The following LCMT1 variants were observed in gnomAD, a reference collection of about 807,000 sequenced individuals.
The protein encoded by LCMT1 is leucine carboxyl methyltransferase 1, also known as [Phosphatase 2A protein]-leucine-carboxy methyltransferase 1.
LCMT1 carries 32 observed loss-of-function variants against 47.7 expected under a neutral mutation model. The ratio of observed to expected loss-of-function variants is 0.67; its 90% CI spans 0.51 to 0.90. The LOEUF is 0.90. Among genes scored for constraint, LCMT1 ranks in the 40% least tolerant of loss-of-function variants. The pLI, the probability that LCMT1 is intolerant of heterozygous loss-of-function variation, is 0.00. For missense variants in LCMT1, 375 were observed against 415.2 expected (o/e 0.90, Z 0.84); for synonymous variants, 152 against 149.7 (o/e 1.02, Z -0.11).
In LCMT1 at chr16:25,157,875, A is replaced by G. The variant is rs1256707531; in HGVS notation, c.467-3227A>G. Among the ~76,000 whole-genome samples, 3 of 152,282 alleles carry G rather than the reference A, an allele frequency of 2.0e-5. No homozygotes were observed. In the East Asian group the frequency reaches 5.8e-4, roughly 29 times the overall value. The stretch of plus-strand genomic sequence containing the variant: ...TGCTTCCCAGTAATTTGTCTCAGTA[A>G]TGTTTTCATAGTACCCCTGAGCCAA... On this transcript the variant is annotated intron_variant, in intron 5 of 10. Coordinates refer to ENST00000399069, the MANE Select transcript of LCMT1 (RefSeq NM_016309.3).
chr16:25,160,880 A>C (rs540135109), intron 5 of LCMT1: 111 of 635,666 alleles, frequency 1.7e-4, no homozygotes, highest in African/African-American at 1.7e-3. Flanking sequence ...TGTTGTGTAT[A>C]ATAACTTAAG....
intron 1 of LCMT1, 51 bp downstream of exon 1, chr16:25,112,047 G>A (rs1228540378): frequency 1.7e-6 from 2 of 1,207,344 alleles, no homozygotes; most frequent in Non-Finnish European, 2.4e-6. Context: ...GCGGGCCTAG[G>A]TGGGAGGTGG....
chr16:25,128,678 C>A, intron 2 of LCMT1, 112 bp downstream of exon 2: 1 of 747,324 alleles, frequency 1.3e-6, no homozygotes, highest in Non-Finnish European at 2.2e-6. Context: ...CGCAAAAGTG[C>A]TTATTTCCCC....
intron 2 of LCMT1, chr16:25,132,154 A>G: frequency 1.9e-6 from 1 of 531,536 alleles, no homozygotes; most frequent in South Asian, 1.9e-5. Flanking sequence ...ATAAAACTAT[A>G]GCTCATTTTT....
intron 2 of LCMT1, among the ~76,000 whole-genome samples, chr16:25,131,353 A>C (rs913485751): frequency 2.6e-5 from 4 of 152,196 alleles, no homozygotes; most frequent in African/African-American, 9.6e-5. Flanking sequence ...CTGTATTTGA[A>C]CCTTTAGAAT....
chr16:25,126,607 G>T (rs938532529), intron 1 of LCMT1, among the ~76,000 whole-genome samples: 1 of 152,138 alleles, frequency 6.6e-6, no homozygotes, highest in African/African-American at 2.4e-5. Flanking sequence ...CTAGCACTTG[G>T]CAGACACCCA....
intron 1 of LCMT1, among the ~76,000 whole-genome samples, chr16:25,122,598 G>A (rs915019222): frequency 6.6e-6 from 1 of 151,858 alleles, no homozygotes; most frequent in Non-Finnish European, 1.5e-5. Flanking sequence ...CAAAGTGTTG[G>A]GATTACAGGT....
intron 4 of LCMT1, chr16:25,145,008 C>G (rs1386183994): frequency 1.3e-5 from 2 of 152,326 alleles, no homozygotes; most frequent in Non-Finnish European, 2.9e-5. Flanking sequence ...TTTCTTCCCC[C>G]TTTTGGGTCT....
At chr16:25,172,247 C>T (rs1961797165) in intron 9 of LCMT1, among the ~76,000 whole-genome samples, 1 of 150,594 alleles carries the variant, frequency 6.6e-6, no homozygotes, top group Non-Finnish European at 1.5e-5. Flanking sequence ...GCGGAGGTTG[C>T]AGTGAGCCGA....
intron 4 of LCMT1, among the ~76,000 whole-genome samples, chr16:25,149,932 A>T (rs1469411245): frequency 6.6e-6 from 1 of 151,578 alleles, no homozygotes; most frequent in Non-Finnish European, 1.5e-5. Context: ...AAAAAAAAAA[A>T]AGTAGGTTAC....
At chr16:25,160,788 A>G (rs1336365539) in intron 5 of LCMT1, 1 of 555,000 alleles carries the variant, frequency 1.8e-6, no homozygotes, top group Non-Finnish European at 3.5e-6. Flanking sequence ...CAAACCACAT[A>G]TTGGGTGGTC....
At chr16:25,138,036 A>G (rs771052766) in intron 3 of LCMT1, among the ~76,000 whole-genome samples, 2 of 152,168 alleles carry the variant, frequency 1.3e-5, no homozygotes, top group Non-Finnish European at 2.9e-5. Flanking sequence ...TGCTCCAGTC[A>G]GAAACAAGGT....
chr16:25,168,965 T>C, intron 7 of LCMT1, 147 bp from the exon 8 acceptor site: 3 of 623,148 alleles, frequency 4.8e-6, no homozygotes, highest in Non-Finnish European at 8.7e-6. Context: ...AGCACCGTGC[T>C]GGTGCCCGCC....
At chr16:25,116,371 A>G (rs1385925401) in intron 1 of LCMT1, among the ~76,000 whole-genome samples, 2 of 152,128 alleles carry the variant, frequency 1.3e-5, no homozygotes, top group Admixed American at 1.3e-4. Flanking sequence ...TGGCACAGTG[A>G]CCTTGCTTTT....
intron 1 of LCMT1, among the ~76,000 whole-genome samples, chr16:25,120,746 T>G: frequency 7.1e-6 from 1 of 140,462 alleles, no homozygotes; most frequent in South Asian, 2.2e-4. Context: ...TTTGTTTTTT[T>G]TTTTTGTTTT....
At chr16:25,153,926 CTG>C (rs1315405761) in intron 5 of LCMT1, among the ~76,000 whole-genome samples, 1 of 152,130 alleles carries the variant, frequency 6.6e-6, no homozygotes, top group African/African-American at 2.4e-5. Flanking sequence ...GCACTCCAGA[CTG>C]AGTGACAGCA....
At chr16:25,157,459 G>A (rs759131707) in intron 5 of LCMT1, among the ~76,000 whole-genome samples, 2 of 151,990 alleles carry the variant, frequency 1.3e-5, no homozygotes, top group Non-Finnish European at 2.9e-5. Flanking sequence ...GGAAGCTGAG[G>A]CAGCCTGGGG....
chr16:25,172,861 TG>T (rs1226427430), intron 9 of LCMT1, among the ~76,000 whole-genome samples: 1 of 152,174 alleles, frequency 6.6e-6, no homozygotes, highest in East Asian at 1.9e-4. Flanking sequence ...GCCCCTGAAA[TG>T]GGGATGCTCT....
chr16:25,169,094 C>T lies in LCMT1; in HGVS notation c.691-18C>T, dbSNP rs772163841. On this transcript the variant is annotated intron_variant, in intron 7 of 10. Coordinates refer to ENST00000399069, the MANE Select transcript of LCMT1 (RefSeq NM_016309.3). ...GGAAACCCTTAGAGTAATATCTTAC[C>T]TTCTCTTTCCCTCCTAGGTGAACAT... is the stretch of plus-strand genomic sequence containing the variant. 1.3e-6 allele frequency: 2 copies of T among 1,559,048 alleles called. No individual in the cohort carries two copies. Among genetic ancestry groups the T allele is most frequent in the African/African-American group, 2.7e-5 (2 of 73,812 alleles).
Sources: gnomAD v4.1 joint callset for allele counts (sites outside exome capture counted in the v4.1 genomes callset) on GRCh38, gnomAD v4.1.1 for gene constraint, MANE v1.5 for transcripts, NCBI Gene and HGNC (gene_info 2026-07-23, HGNC 2026-07-21) for gene names.